CSMD2: variants seen among roughly 807,000 people sequenced by gnomAD.
The protein encoded by CSMD2 is CUB and sushi domain-containing protein 2.
CSMD2 carries 130 observed loss-of-function variants against 398.5 expected under a neutral mutation model. That is an observed-to-expected ratio of 0.33 (90% confidence interval 0.28 to 0.38). The LOEUF is 0.38. Among genes scored for constraint, CSMD2 ranks in the 10% least tolerant of loss-of-function variants. The probability of loss-of-function intolerance (pLI) is 1.00; values close to 1 mark genes in which losing one functional copy is unlikely to be tolerated. For missense variants in CSMD2, 3,829 were observed against 4,764.9 expected (o/e 0.80, Z 5.78); for synonymous variants, 1,828 against 1,908.5 (o/e 0.96, Z 1.10).
intron 3 of CSMD2, among the ~76,000 whole-genome samples, chr1:34,001,878 GGGT>G (rs1372540242): frequency 1.3e-5 from 2 of 152,068 alleles, no homozygotes; most frequent in Non-Finnish European, 2.9e-5. Context: ...TTCAATGCAG[GGGT>G]GGTTAATAAA....
chr1:34,106,725 G>A (rs1660561885), intron 1 of CSMD2, among the ~76,000 whole-genome samples: 1 of 152,136 alleles, frequency 6.6e-6, no homozygotes, highest in African/African-American at 2.4e-5. Context: ...CTCAAGCTGG[G>A]GATGCATGCA....
chr1:34,137,187 C>T (rs146542541), intron 1 of CSMD2, among the ~76,000 whole-genome samples: 1 of 152,200 alleles, frequency 6.6e-6, no homozygotes, highest in African/African-American at 2.4e-5. Context: ...TCCATCCGTC[C>T]ACCCATCCAT....
At chr1:33,591,320 G>GA (rs545850320) in intron 44 of CSMD2, among the ~76,000 whole-genome samples, 2 of 152,072 alleles carry the variant, frequency 1.3e-5, no homozygotes, top group South Asian at 2.1e-4. Flanking sequence ...AATTAGCTTA[G>GA]AAAAAAATGT....
chr1:34,158,310 C>T (rs1313302274), intron 1 of CSMD2, among the ~76,000 whole-genome samples: 1 of 152,166 alleles, frequency 6.6e-6, no homozygotes, highest in Non-Finnish European at 1.5e-5. Flanking sequence ...AAATAATCCT[C>T]TATTTGCAGG....
chr1:33,656,221 C>T (rs887337063), intron 27 of CSMD2, among the ~76,000 whole-genome samples: 1 of 152,112 alleles, frequency 6.6e-6, no homozygotes, highest in African/African-American at 2.4e-5. Flanking sequence ...CGTGTCCTCA[C>T]CCCACAATGC....
chr1:33,623,475 G>A lies in CSMD2; in HGVS notation c.5626-9C>T, dbSNP rs1273307031. 1.2e-6 allele frequency: 2 copies of A among 1,609,682 alleles called. No individual in the cohort carries two copies. The highest frequency in any genetic ancestry group is 1.7e-6 in the Non-Finnish European group (2 of 1,176,098). ...AAACTGACAACTTGGATCTGGGAAGGGAGAAGAGTGAATTGTTGGTTAGGC... is the reference window on the plus strand; with the variant it reads ...AAACTGACAACTTGGATCTGGGAAGAGAGAAGAGTGAATTGTTGGTTAGGC... On this transcript the variant is annotated splice_polypyrimidine_tract_variant and intron_variant, in intron 35 of 70. Coordinates refer to ENST00000373381, the MANE Select transcript of CSMD2 (RefSeq NM_001281956.2).
chr1:33,689,690 A>G (rs377728396), intron 25 of CSMD2, among the ~76,000 whole-genome samples: 11 of 152,182 alleles, frequency 7.2e-5, no homozygotes, highest in African/African-American at 2.7e-4. Context: ...TTTTAGGTAC[A>G]TTACGGCCGC....
chr1:33,628,757 T>C (rs1328098501), intron 32 of CSMD2, among the ~76,000 whole-genome samples: 1 of 150,386 alleles, frequency 6.6e-6, no homozygotes, highest in African/African-American at 2.4e-5. Context: ...AAGTGCAAGG[T>C]AGAATTAGTG....
At chr1:33,611,441 T>C (rs546290652) in intron 40 of CSMD2, among the ~76,000 whole-genome samples, 191 bp from the exon 41 acceptor site, 1 of 152,348 alleles carries the variant, frequency 6.6e-6, no homozygotes, top group Non-Finnish European at 1.5e-5. Flanking sequence ...GGGCTGAACT[T>C]AAAAGTGTAT....
intron 4 of CSMD2, among the ~76,000 whole-genome samples, chr1:33,925,669 C>T (rs909126776): frequency 6.6e-5 from 10 of 152,112 alleles, no homozygotes; most frequent in South Asian, 2.1e-4. Flanking sequence ...CAGAGTAATA[C>T]GGGAAACCAT....
At chr1:33,812,159 G>A (rs138937071) in intron 9 of CSMD2, among the ~76,000 whole-genome samples, 77 of 152,236 alleles carry the variant, frequency 5.1e-4, no homozygotes, top group Admixed American at 7.2e-4. Flanking sequence ...TGCCTACTAT[G>A]GGCCAGGAAA....
At chr1:33,803,089 A>G (rs1298157670) in intron 10 of CSMD2, among the ~76,000 whole-genome samples, 5 of 152,028 alleles carry the variant, frequency 3.3e-5, no homozygotes, top group Non-Finnish European at 7.4e-5. Context: ...CCAGCAAGAC[A>G]TTTGTCATCG....
At chr1:33,760,507 C>G (rs1207871948) in intron 13 of CSMD2, among the ~76,000 whole-genome samples, 4 of 152,280 alleles carry the variant, frequency 2.6e-5, no homozygotes, top group Non-Finnish European at 4.4e-5. Flanking sequence ...GCCACCATGC[C>G]AAAGTTGGAG....
intron 12 of CSMD2, among the ~76,000 whole-genome samples, chr1:33,774,639 A>G (rs907184925): frequency 6.6e-6 from 1 of 152,164 alleles, no homozygotes; most frequent in Non-Finnish European, 1.5e-5. Flanking sequence ...CAGAACCCAG[A>G]TATAAGGTTT....
At chr1:33,746,266 T>C (rs573221407) in intron 13 of CSMD2, among the ~76,000 whole-genome samples, 1 of 152,082 alleles carries the variant, frequency 6.6e-6, no homozygotes, top group African/African-American at 2.4e-5. Context: ...ATAATGCAAA[T>C]AATGAGGAAT....
intron 2 of CSMD2, among the ~76,000 whole-genome samples, chr1:34,071,928 G>A (rs763110545): frequency 6.6e-6 from 1 of 152,234 alleles, no homozygotes; most frequent in Non-Finnish European, 1.5e-5. Context: ...GCTGGAAGAA[G>A]CTTTGGAGTT....
rs1257980319 is a variant in CSMD2 at position 33,540,732 on chromosome 1, G to T, written c.9458-34C>A. 2.5e-6 allele frequency: 4 copies of T among 1,611,320 alleles called. No individual in the cohort carries two copies. The African/African-American group carries it at 4.0e-5, about 16-fold the overall frequency. ...AGACCAAAGCAGGCTGAGTTCTGATGCTGTCCTGGGAAACCAGCCCCCGTC... is the reference window on the plus strand; with the variant it reads ...AGACCAAAGCAGGCTGAGTTCTGATTCTGTCCTGGGAAACCAGCCCCCGTC... On this transcript the variant is annotated intron_variant, in intron 59 of 70. Transcript: ENST00000373381.
chr1:34,150,074 TC>T (rs1489322295), intron 1 of CSMD2, among the ~76,000 whole-genome samples: 7 of 137,154 alleles, frequency 5.1e-5, no homozygotes, highest in South Asian at 4.9e-4. Flanking sequence ...ACATTTTTCT[TC>T]TTTCTTTTTT....
chr1:33,523,368 G>A lies in CSMD2; in HGVS notation c.10448C>T (p.Thr3483Ile), dbSNP rs1193049858. The A allele has an allele frequency of 6.3e-7, 1 of 1,598,580 alleles. No homozygotes were observed. Among genetic ancestry groups the A allele is most frequent in the African/African-American group, 1.3e-5 (1 of 74,612 alleles). The change falls in exon 67 of 71, where the codon ACA becomes ATA. Residue 3483 changes from threonine (T) to isoleucine (I), a missense_variant. Thr to Ile is a moderately conservative substitution (Grantham distance 89). Coordinates refer to ENST00000373381, the MANE Select transcript of CSMD2 (RefSeq NM_001281956.2). ...ATTCATAAAGATCTCCACAGGCCCT[G>A]TAATCTGGTACACCTGGAGTAGGAG... is the stretch of plus-strand genomic sequence containing the variant. Reference protein sequence around the residue: ...FHLLLQVYQITGPVEIFMNKF... With the variant: ...FHLLLQVYQIIGPVEIFMNKF...
Sources: allele counts gnomAD v4.1 joint callset (sites outside exome capture counted in the v4.1 genomes callset), GRCh38; gene constraint gnomAD v4.1.1; transcripts MANE v1.5; gene names NCBI Gene and HGNC (gene_info 2026-07-23, HGNC 2026-07-21).